The following ITGA9 variants were observed in gnomAD, a reference collection of about 807,000 sequenced individuals.
The protein encoded by ITGA9 is integrin subunit alpha 9.
In ITGA9, 56 loss-of-function variants were observed where a neutral mutation model predicts 127.8. The observed-to-expected ratio is 0.44, with a 90% confidence interval of 0.35 to 0.55. The LOEUF (loss-of-function observed/expected upper bound fraction) is 0.55, where lower values mean the gene tolerates loss of function less well. Ranked by LOEUF, ITGA9 falls within the 20% of genes least tolerant of loss-of-function variation. ITGA9 has a pLI of 0.00. For missense variants in ITGA9, 1,196 were observed against 1,347.1 expected, an observed-to-expected ratio of 0.89 and a Z score of 1.76; for synonymous variants, 508 against 514.5, an observed-to-expected ratio of 0.99 and a Z score of 0.17.
intron 19 of ITGA9, among the ~76,000 whole-genome samples, chr3:37,735,025 G>A (rs2125529791): frequency 1.3e-5 from 2 of 152,340 alleles, no homozygotes; most frequent in Middle Eastern, 6.8e-3. Flanking sequence ...GCACTCCCAT[G>A]TCCTTCCAAC....
chr3:37,541,925 G>A (rs759911028), intron 14 of ITGA9, among the ~76,000 whole-genome samples: 5 of 152,180 alleles, frequency 3.3e-5, no homozygotes, highest in Non-Finnish European at 4.4e-5. Flanking sequence ...TATAGAGCAC[G>A]ACTCAACTTT....
At position 37,823,138 on chromosome 3, in the gene ITGA9, A is replaced by G. The variant is rs962988152; in HGVS notation, c.*4149A>G. 2 of 152,236 alleles carry G rather than the reference A, an allele frequency of 1.3e-5. No individual in the cohort carries two copies. The highest frequency in any genetic ancestry group is 6.5e-5 in the Admixed American group (1 of 15,290). 9.4% of individuals were successfully genotyped at this position (152,236 alleles called of 1,614,324 possible). A position where few individuals can be genotyped will look rare whatever the true frequency, so the allele number is the denominator to read the frequency against. ...CAGCACATGGGGGGAATAAGTGAAC[A>G]AATTTCCCAACATCGTGCAATGCTT... On this transcript the variant is annotated 3_prime_UTR_variant, in exon 28 of 28. Transcript: ENST00000264741.
intron 18 of ITGA9, among the ~76,000 whole-genome samples, chr3:37,697,307 GTTA>G (rs143332603): frequency 0.21 from 29,527 of 143,360 alleles, 3,113 homozygotes; most frequent in East Asian, 0.29. Context: ...GACTACTTCT[GTTA>G]TTATTATTAT....
chr3:37,537,071 G>T (rs1193865539), intron 14 of ITGA9, among the ~76,000 whole-genome samples: 1 of 152,198 alleles, frequency 6.6e-6, no homozygotes, highest in African/African-American at 2.4e-5. Flanking sequence ...ACTGTTCAAG[G>T]TTATACTTCG....
chr3:37,610,528 AT>A (rs2125625486), intron 15 of ITGA9, among the ~76,000 whole-genome samples: 1 of 152,322 alleles, frequency 6.6e-6, no homozygotes, highest in African/African-American at 2.4e-5. Flanking sequence ...CTGGGATCAT[AT>A]TGGCAAACTC....
In ITGA9 at chr3:37,586,233, C is replaced by T. The variant is rs1013929724; in HGVS notation, c.1690-42954C>T. Among the ~76,000 whole-genome samples the T allele has an allele frequency of 8.5e-5, 13 of 152,126 alleles. 1 individual carries two copies. The South Asian group carries it at 1.2e-3, about 15-fold the overall frequency. The stretch of plus-strand genomic sequence containing the variant: ...ATACCAGAAGCAAAGACGTAGAAAC[C>T]GTCATGTTATAAACATGAAAGCCCC... On this transcript the variant is annotated intron_variant, in intron 15 of 27. Coordinates refer to ENST00000264741, the MANE Select transcript of ITGA9 (RefSeq NM_002207.3).
chr3:37,606,183 A>G (rs764015118), intron 15 of ITGA9, among the ~76,000 whole-genome samples: 10 of 152,208 alleles, frequency 6.6e-5, no homozygotes, highest in Non-Finnish European at 1.2e-4. Context: ...TTTAGAATTC[A>G]TATGTTATGA....
chr3:37,817,776 A>T (rs1575253163), intron 27 of ITGA9, among the ~76,000 whole-genome samples: 1 of 152,156 alleles, frequency 6.6e-6, no homozygotes, highest in Admixed American at 6.5e-5. Flanking sequence ...ACTATGTGAG[A>T]AAAACTAGAC....
chr3:37,643,559 A>G (rs888469772), intron 16 of ITGA9, among the ~76,000 whole-genome samples: 1 of 152,216 alleles, frequency 6.6e-6, no homozygotes, highest in Admixed American at 6.5e-5. Context: ...CCTTTTTAGA[A>G]GAAAATCATG....
intron 23 of ITGA9, among the ~76,000 whole-genome samples, chr3:37,764,285 A>G (rs1696753590): frequency 6.6e-6 from 1 of 152,096 alleles, no homozygotes; most frequent in South Asian, 2.1e-4. Context: ...TAAAAATTCA[A>G]AACTGAGCAG....
intron 18 of ITGA9, among the ~76,000 whole-genome samples, chr3:37,690,882 A>G (rs1700825040): frequency 6.6e-6 from 1 of 152,186 alleles, no homozygotes; most frequent in African/African-American, 2.4e-5. Context: ...GTGAAGTTAT[A>G]TAGGCAGGAG....
chr3:37,748,441 G>A (rs1233402572), intron 22 of ITGA9: 7 of 590,636 alleles, frequency 1.2e-5, no homozygotes, highest in African/African-American at 1.8e-5. Flanking sequence ...ACACGTGAAG[G>A]AAAATGATCA....
In ITGA9 at chr3:37,664,524, G is replaced by A. The variant is rs183073099; in HGVS notation, c.1916+10734G>A. ...TAACCTCCACCTCCCGGGCTCAAGCGATTCTCCTGCCTCAGCCTCCCGAGT... is the reference window on the plus strand; with the variant it reads ...TAACCTCCACCTCCCGGGCTCAAGCAATTCTCCTGCCTCAGCCTCCCGAGT... On this transcript the variant is annotated intron_variant, in intron 17 of 27. Coordinates refer to ENST00000264741, the MANE Select transcript of ITGA9 (RefSeq NM_002207.3). Among the ~76,000 whole-genome samples the A allele has an allele frequency of 3.1e-3, 465 of 149,162 alleles. 4 individuals are homozygous for A. Among genetic ancestry groups the A allele is most frequent in the Middle Eastern group, 0.011 (3 of 282 alleles).
intron 18 of ITGA9, among the ~76,000 whole-genome samples, chr3:37,717,572 G>A (rs772792531): frequency 6.6e-6 from 1 of 152,172 alleles, no homozygotes; most frequent in Non-Finnish European, 1.5e-5. Flanking sequence ...TCACATGGTG[G>A]CAGGAGAGAA....
chr3:37,468,162 C>T (rs1428064246), intron 1 of ITGA9, among the ~76,000 whole-genome samples: 2 of 151,988 alleles, frequency 1.3e-5, no homozygotes, highest in African/African-American at 2.4e-5. Context: ...TTGTGCCCAG[C>T]AAACACCTGG....
chr3:37,475,256 A>G (rs1350694528), intron 3 of ITGA9, among the ~76,000 whole-genome samples: 1 of 152,252 alleles, frequency 6.6e-6, no homozygotes, highest in East Asian at 1.9e-4. Flanking sequence ...GGGTAGCCCA[A>G]GGTCCTGATT....
intron 19 of ITGA9, among the ~76,000 whole-genome samples, chr3:37,735,364 C>T (rs926319848): frequency 2.0e-5 from 3 of 152,154 alleles, no homozygotes; most frequent in Non-Finnish European, 4.4e-5. Context: ...AGTCCCACAG[C>T]AACAGAAATT....
At chr3:37,611,141 G>A (rs955149665) in intron 15 of ITGA9, among the ~76,000 whole-genome samples, 3 of 152,162 alleles carry the variant, frequency 2.0e-5, no homozygotes, top group African/African-American at 4.8e-5. Flanking sequence ...CTTAGGAATG[G>A]TGGTCTCAAA....
intron 23 of ITGA9, among the ~76,000 whole-genome samples, chr3:37,775,159 G>T (rs566516902): frequency 1.8e-4 from 28 of 152,258 alleles, no homozygotes; most frequent in Non-Finnish European, 3.5e-4. Context: ...ATCTATAAGG[G>T]ACTTAAATTT....
Sources: gnomAD v4.1 joint callset for allele counts (sites outside exome capture counted in the v4.1 genomes callset) on GRCh38, gnomAD v4.1.1 for gene constraint, MANE v1.5 for transcripts, NCBI Gene and HGNC (gene_info 2026-07-23, HGNC 2026-07-21) for gene names.